Variants in CMIP observed in about 807,000 individuals in gnomAD.
The protein encoded by CMIP is c-Maf inducing protein.
In CMIP, 13 loss-of-function variants were observed where a neutral mutation model predicts 97.3. The ratio of observed to expected loss-of-function variants is 0.13; its 90% CI spans 0.09 to 0.21. The LOEUF (loss-of-function observed/expected upper bound fraction) is 0.21, where lower values mean the gene tolerates loss of function less well. Among genes scored for constraint, CMIP ranks in the 10% least tolerant of loss-of-function variants. The pLI is 1.00. For synonymous variants in CMIP, 538 were observed against 436.3 expected, an observed-to-expected ratio of 1.23 and a Z score of -2.91; for missense variants, 847 against 1,024.9, an observed-to-expected ratio of 0.83 and a Z score of 2.37.
intron 1 of CMIP, among the ~76,000 whole-genome samples, chr16:81,567,523 G>A (rs911247949): frequency 3.3e-5 from 5 of 152,228 alleles, no homozygotes; most frequent in Non-Finnish European, 7.3e-5. Context: ...CTTTGGGTAA[G>A]GGATGCCACG....
At chr16:81,670,045 A>C in intron 7 of CMIP, 97 bp from the exon 8 acceptor site, 1 of 1,160,982 alleles carries the variant, frequency 8.6e-7, no homozygotes, top group South Asian at 1.5e-5. Flanking sequence ...AGCTCCAGGC[A>C]GAGCTCGGTC....
At chr16:81,543,878 C>T (rs1311805083) in intron 1 of CMIP, among the ~76,000 whole-genome samples, 1 of 152,250 alleles carries the variant, frequency 6.6e-6, no homozygotes, top group Non-Finnish European at 1.5e-5. Flanking sequence ...TCACCTTCTA[C>T]TTTCTGTCTA....
rs113565455 is a variant in CMIP at position 81,568,042 on chromosome 16, T to G, written c.301-39525T>G. Among the ~76,000 whole-genome samples, 332 of 148,034 alleles carry G rather than the reference T, an allele frequency of 2.2e-3. 1 individual carries two copies. The highest frequency in any genetic ancestry group is 7.6e-3 in the African/African-American group (304 of 40,216). The stretch of plus-strand genomic sequence containing the variant: ...GCTTTTCAGTGTGTGTGTGTGTGTT[T>G]TTTTTTTTTTTTTTTTTTGAAGCTG... On this transcript the variant is annotated intron_variant, in intron 1 of 20. Coordinates refer to ENST00000537098, the MANE Select transcript of CMIP (RefSeq NM_198390.3).
intron 1 of CMIP, among the ~76,000 whole-genome samples, chr16:81,594,219 G>C (rs1177138175): frequency 6.7e-6 from 1 of 149,800 alleles, no homozygotes; most frequent in Admixed American, 6.7e-5. Flanking sequence ...CTGGGTTCAA[G>C]TGATCCTCCC....
intron 1 of CMIP, among the ~76,000 whole-genome samples, chr16:81,596,084 C>T (rs1336162681): frequency 1.3e-5 from 2 of 152,102 alleles, no homozygotes; most frequent in Non-Finnish European, 2.9e-5. Flanking sequence ...CTCTATCCAT[C>T]CTAGTGGGTA....
Position 81,693,490 on chromosome 16 carries a change from G to A in CMIP, c.1530+3G>A. 1.2e-6 allele frequency: 2 copies of A among 1,611,836 alleles called. No homozygotes were observed. The highest frequency in any genetic ancestry group is 1.7e-6 in the Non-Finnish European group (2 of 1,178,824). On this transcript the variant is annotated splice_donor_region_variant and intron_variant, in intron 13 of 20. Transcript: ENST00000537098. Reference sequence around the variant, plus strand: ...TCGCCGAAGACCCCAGGCAAGAGGTGAGGCCTTTGTTTCTGCATCTCAGGC... The same window carrying A: ...TCGCCGAAGACCCCAGGCAAGAGGTAAGGCCTTTGTTTCTGCATCTCAGGC...
intron 9 of CMIP, among the ~76,000 whole-genome samples, chr16:81,676,421 A>C (rs796302838): frequency 6.6e-5 from 10 of 151,704 alleles, no homozygotes; most frequent in African/African-American, 2.4e-4. Flanking sequence ...AGAACAGACA[A>C]CTTGACCCAG....
intron 2 of CMIP, among the ~76,000 whole-genome samples, chr16:81,612,696 C>T (rs2150949569): frequency 1.3e-5 from 2 of 152,254 alleles, no homozygotes; most frequent in Non-Finnish European, 2.9e-5. Flanking sequence ...GGAACCAGGC[C>T]CTTTCAGCAT....
intron 1 of CMIP, among the ~76,000 whole-genome samples, chr16:81,572,098 C>G (rs1044118072): frequency 1.3e-5 from 2 of 152,238 alleles, no homozygotes; most frequent in Non-Finnish European, 2.9e-5. Context: ...TCCTTGGGCC[C>G]ATTTCCCTCC....
intron 14 of CMIP, chr16:81,697,988 T>G (rs1906943664): frequency 7.0e-6 from 1 of 142,198 alleles, no homozygotes; most frequent in African/African-American, 2.6e-5. Context: ...AACGCTCAGC[T>G]GCGCCCCCCC....
intron 1 of CMIP, among the ~76,000 whole-genome samples, chr16:81,497,441 A>G (rs755060038): frequency 6.6e-5 from 10 of 152,204 alleles, no homozygotes; most frequent in South Asian, 6.2e-4. Context: ...AGGGGTCTCT[A>G]GGAACTGTTT....
At chr16:81,668,993 TCTC>T (rs528507971) in intron 7 of CMIP, among the ~76,000 whole-genome samples, 212 of 75,318 alleles carry the variant, frequency 2.8e-3, no homozygotes, top group Middle Eastern at 0.012. Flanking sequence ...CACCTCACAC[TCTC>T]CTCCTTCCAC....
At chr16:81,535,696 T>C (rs2090329379) in intron 1 of CMIP, among the ~76,000 whole-genome samples, 1 of 152,142 alleles carries the variant, frequency 6.6e-6, no homozygotes, top group Non-Finnish European at 1.5e-5. Context: ...CATCAGTCAG[T>C]TTGGTGATCA....
chr16:81,706,918 C>G, intron 19 of CMIP, 96 bp from the exon 20 acceptor site: 1 of 1,008,586 alleles, frequency 9.9e-7, no homozygotes, highest in Non-Finnish European at 1.5e-6. Flanking sequence ...AACAGGGGGC[C>G]TGGCACCTGC....
At chr16:81,668,265 C>T (rs1368268136) in intron 7 of CMIP, among the ~76,000 whole-genome samples, 1 of 152,144 alleles carries the variant, frequency 6.6e-6, no homozygotes, top group East Asian at 1.9e-4. Flanking sequence ...CAGGACGGTG[C>T]CGCTCCTGGG....
chr16:81,565,510 A>G (rs937543696), intron 1 of CMIP, among the ~76,000 whole-genome samples: 4 of 152,254 alleles, frequency 2.6e-5, no homozygotes, highest in African/African-American at 4.8e-5. Context: ...CAGGGAGACC[A>G]TCTGCCCTTC....
At chr16:81,459,961 A>G (rs909563576) in intron 1 of CMIP, among the ~76,000 whole-genome samples, 1 of 152,202 alleles carries the variant, frequency 6.6e-6, no homozygotes, top group Non-Finnish European at 1.5e-5. Flanking sequence ...CCCATGGACC[A>G]AGGGGACTTT....
chr16:81,496,816 T>G (rs1002428405), intron 1 of CMIP, among the ~76,000 whole-genome samples: 2 of 152,222 alleles, frequency 1.3e-5, no homozygotes, highest in Non-Finnish European at 2.9e-5. Context: ...GAGCAGAGTC[T>G]TACATTCTGT....
intron 1 of CMIP, among the ~76,000 whole-genome samples, chr16:81,586,980 G>T (rs1292699267): frequency 6.6e-6 from 1 of 152,262 alleles, no homozygotes; most frequent in African/African-American, 2.4e-5. Flanking sequence ...ACCTAAGTCT[G>T]TTGGGACCCA....
Sources: allele counts gnomAD v4.1 joint callset (sites outside exome capture counted in the v4.1 genomes callset), GRCh38; gene constraint gnomAD v4.1.1; transcripts MANE v1.5; gene names NCBI Gene and HGNC (gene_info 2026-07-23, HGNC 2026-07-21).